The following TMEM132D variants were observed in gnomAD, a reference collection of about 807,000 sequenced individuals.
TMEM132D encodes the protein mature OL transmembrane protein.
TMEM132D carries 21 observed loss-of-function variants against 62.3 expected under a neutral mutation model. The observed-to-expected ratio is 0.34, with a 90% CI of 0.24 to 0.49. TMEM132D has a LOEUF of 0.49. Among genes scored for constraint, TMEM132D ranks in the 20% least tolerant of loss-of-function variants. The pLI is 0.99. For synonymous variants in TMEM132D, 621 were observed against 575.6 expected (o/e 1.08, Z -1.13); for missense variants, 1,346 against 1,402.8 (o/e 0.96, Z 0.65).
chr12:129,559,601 C>G (rs11060439), intron 2 of TMEM132D, among the ~76,000 whole-genome samples: 18,565 of 152,152 alleles, frequency 0.12, 1,454 homozygotes, highest in East Asian at 0.42. Flanking sequence ...AATGGTAAAT[C>G]TCTATTTTAA....
At chr12:129,187,158 A>G (rs1386209) in intron 5 of TMEM132D, among the ~76,000 whole-genome samples, 46,700 of 152,064 alleles carry the variant, frequency 0.31, 7,548 homozygotes, top group East Asian at 0.54. Flanking sequence ...ACCAGAGGGC[A>G]ATAGAGGAGT....
intron 5 of TMEM132D, among the ~76,000 whole-genome samples, chr12:129,127,401 ACAGT>A (rs1876246208): frequency 6.6e-6 from 1 of 152,198 alleles, no homozygotes; most frequent in Non-Finnish European, 1.5e-5. Context: ...GACTCAATTA[ACAGT>A]CAGATGTGAG....
chr12:129,639,384 A>T (rs1045896653), intron 2 of TMEM132D, among the ~76,000 whole-genome samples: 12 of 122,120 alleles, frequency 9.8e-5, no homozygotes, highest in Admixed American at 2.3e-4. Context: ...CTCTGTCTTA[A>T]AAAAAAAAAA....
intron 1 of TMEM132D, among the ~76,000 whole-genome samples, chr12:129,761,198 G>C (rs1870363961): frequency 6.6e-6 from 1 of 152,074 alleles, no homozygotes. Flanking sequence ...GGATCTGTAA[G>C]CCTTGACTGT....
At chr12:129,182,472 T>C (rs11060184) in intron 5 of TMEM132D, among the ~76,000 whole-genome samples, 64,908 of 151,600 alleles carry the variant, frequency 0.43, 14,180 homozygotes, top group East Asian at 0.57. Context: ...GTCCACACTC[T>C]GCAGGGAAGG....
intron 1 of TMEM132D, among the ~76,000 whole-genome samples, chr12:129,746,153 G>A (rs1347352367): frequency 6.6e-6 from 1 of 152,342 alleles, no homozygotes; most frequent in East Asian, 1.9e-4. Flanking sequence ...CAAAAGGTTT[G>A]AACGATGCAA....
intron 4 of TMEM132D, among the ~76,000 whole-genome samples, chr12:129,240,419 G>A (rs547238761): frequency 7.3e-4 from 111 of 152,264 alleles, no homozygotes; most frequent in African/African-American, 2.6e-3. Context: ...GCAGGCTGAC[G>A]TAGCTGAAAT....
intron 5 of TMEM132D, among the ~76,000 whole-genome samples, chr12:129,175,498 G>C (rs143741256): frequency 6.6e-6 from 1 of 152,258 alleles, no homozygotes; most frequent in African/African-American, 2.4e-5. Flanking sequence ...ATCATGTAAA[G>C]TTCTTATAAA....
chr12:129,778,948 C>T (rs1193610003), intron 1 of TMEM132D, among the ~76,000 whole-genome samples: 4 of 152,144 alleles, frequency 2.6e-5, no homozygotes, highest in Admixed American at 6.5e-5. Flanking sequence ...GTGAGCAAAA[C>T]GGAACAGCAG....
chr12:129,649,810 G>A (rs1457825008), intron 2 of TMEM132D, among the ~76,000 whole-genome samples: 1 of 151,544 alleles, frequency 6.6e-6, no homozygotes, highest in Non-Finnish European at 1.5e-5. Flanking sequence ...ATGTGTGTGT[G>A]TATGTGTGTA....
intron 3 of TMEM132D, among the ~76,000 whole-genome samples, chr12:129,390,513 G>T (rs1408191727): frequency 6.6e-6 from 1 of 152,132 alleles, no homozygotes; most frequent in Non-Finnish European, 1.5e-5. Flanking sequence ...TGGATAAAAG[G>T]CCCATCAACT....
chr12:129,146,613 C>G (rs1593276226), intron 5 of TMEM132D, among the ~76,000 whole-genome samples: 1 of 152,188 alleles, frequency 6.6e-6, no homozygotes. Context: ...CCAGACTCAA[C>G]ACACACTGTC....
chr12:129,334,732 GGT>G (rs1262596085), intron 4 of TMEM132D, among the ~76,000 whole-genome samples: 4 of 152,154 alleles, frequency 2.6e-5, no homozygotes, highest in Admixed American at 1.3e-4. Flanking sequence ...TGGGACTACA[GGT>G]GTGAGTCACC....
chr12:129,790,174 G>T (rs1871363369), intron 1 of TMEM132D, among the ~76,000 whole-genome samples: 1 of 152,172 alleles, frequency 6.6e-6, no homozygotes, highest in East Asian at 1.9e-4. Flanking sequence ...GCAAAACTCT[G>T]TGTGGCCCCG....
intron 1 of TMEM132D, among the ~76,000 whole-genome samples, chr12:129,705,787 A>C (rs1593128011): frequency 6.6e-6 from 1 of 152,166 alleles, no homozygotes; most frequent in African/African-American, 2.4e-5. Flanking sequence ...GCAAAACCCC[A>C]CACATTGAAA....
At chr12:129,250,486 A>G (rs1880236788) in intron 4 of TMEM132D, among the ~76,000 whole-genome samples, 1 of 152,182 alleles carries the variant, frequency 6.6e-6, no homozygotes, top group Admixed American at 6.5e-5. Context: ...CAACAGCGCC[A>G]ATCCTTCCTA....
chr12:129,699,830 A>G lies in TMEM132D; in HGVS notation c.948T>C (p.Thr316=), dbSNP rs745667760. 2 of 1,613,994 alleles carry G rather than the reference A, an allele frequency of 1.2e-6. No individual in the cohort carries two copies. The highest frequency in any genetic ancestry group is 1.7e-6 in the Non-Finnish European group (2 of 1,180,004). Residue 316 remains threonine, a synonymous_variant, in exon 2 of 9, where the codon ACT becomes ACC. Transcript: ENST00000422113. ...CTTACCTCAACGTGAAGCGATCTTC[A>G]GTGGAATTTCTGGAGATGGAAACAG... ...TFPVSISRNS[T]EDRFTLRAKV...
At chr12:129,649,797 C>T (rs927543085) in intron 2 of TMEM132D, among the ~76,000 whole-genome samples, 16 of 148,896 alleles carry the variant, frequency 1.1e-4, no homozygotes, top group Non-Finnish European at 1.6e-4. Context: ...TGTGTGTGTG[C>T]GTATGTGTGT....
At chr12:129,450,872 C>A (rs1873260471) in intron 3 of TMEM132D, among the ~76,000 whole-genome samples, 1 of 147,394 alleles carries the variant, frequency 6.8e-6, no homozygotes. Flanking sequence ...TTCTCTGCCT[C>A]AGCCTCCCGA....
Sources: gnomAD v4.1 joint callset for allele counts (sites outside exome capture counted in the v4.1 genomes callset) on GRCh38, gnomAD v4.1.1 for gene constraint, MANE v1.5 for transcripts, NCBI Gene and HGNC (gene_info 2026-07-23, HGNC 2026-07-21) for gene names.